Variants in REV1 observed in about 807,000 individuals in gnomAD.
The protein encoded by REV1 is REV1 DNA directed polymerase, also known as translesion synthesis protein REV1.
Under a neutral mutation model 137.4 loss-of-function variants are expected in REV1, and 42 were observed. The ratio of observed to expected loss-of-function variants is 0.31; its 90% CI spans 0.24 to 0.40. The LOEUF (loss-of-function observed/expected upper bound fraction) is 0.40, where lower values mean the gene tolerates loss of function less well. Ranked by LOEUF, REV1 falls within the 10% of genes least tolerant of loss-of-function variation. REV1 has a pLI of 1.00. For synonymous variants in REV1, 524 were observed against 519.2 expected, an observed-to-expected ratio of 1.01 and a Z score of -0.12; for missense variants, 1,282 against 1,490.1, an observed-to-expected ratio of 0.86 and a Z score of 2.30.
At chr2:99,455,103 G>C (rs1683393561) in intron 3 of REV1, among the ~76,000 whole-genome samples, 1 of 152,158 alleles carries the variant, frequency 6.6e-6, no homozygotes, top group African/African-American at 2.4e-5. Context: ...TCTCTATTGA[G>C]AAAACATTTA....
rs1284741278 is a variant in REV1, at chr2:99,401,015, C to CA, written c.*225dup. 2.8e-5 allele frequency: 9 copies of CA among 321,184 alleles called. No individual in the cohort carries two copies. The Admixed American group carries it at 3.0e-4, about 11-fold the overall frequency. 19.9% of individuals were successfully genotyped at this position (321,184 alleles called of 1,614,324 possible). A position where few individuals can be genotyped will look rare whatever the true frequency, so the allele number is the denominator to read the frequency against. ...GTAAAAATCCATAAAACTTTATAAA[C>CA]AAACATTTTGTAAATAGAATCTATG... On this transcript the variant is annotated 3_prime_UTR_variant, in exon 23 of 23. Coordinates refer to ENST00000258428, the MANE Select transcript of REV1 (RefSeq NM_016316.4).
intron 3 of REV1, 50 bp from the exon 4 acceptor site, chr2:99,449,554 G>C (rs746167963): frequency 2.2e-6 from 2 of 924,520 alleles, no homozygotes; most frequent in Non-Finnish European, 3.0e-6. Context: ...GTAAGAAGTA[G>C]AACCCTAATG....
chr2:99,470,643 C>T lies in REV1; in HGVS notation c.-10-5658G>A, dbSNP rs183312176. On this transcript the variant is annotated intron_variant, in intron 1 of 22. Coordinates refer to ENST00000258428, the MANE Select transcript of REV1 (RefSeq NM_016316.4). The stretch of plus-strand genomic sequence containing the variant: ...TGTTTTTACCTTTCTCTACATTCCA[C>T]AAGTTACTTCCTCCTTCCTTTGTTC... Among the ~76,000 whole-genome samples, 14 of 152,344 alleles carry T rather than the reference C, an allele frequency of 9.2e-5. No homozygotes were observed. In the East Asian group the frequency reaches 2.7e-3, roughly 29 times the overall value.
At chr2:99,434,876 T>C (rs953283414) in intron 7 of REV1, among the ~76,000 whole-genome samples, 4 of 152,168 alleles carry the variant, frequency 2.6e-5, no homozygotes, top group Non-Finnish European at 4.4e-5. Flanking sequence ...TAAATACATA[T>C]GCATAGGAAT....
rs186220725 is a variant in REV1 at position 99,400,991 on chromosome 2, T to C, written c.*250A>G. On this transcript the variant is annotated 3_prime_UTR_variant, in exon 23 of 23. Coordinates refer to ENST00000258428, the MANE Select transcript of REV1 (RefSeq NM_016316.4). ...TTAAACAACTGTAAACACTTCACTGTAAAAATCCATAAAACTTTATAAACA... is the reference window on the plus strand; with the variant it reads ...TTAAACAACTGTAAACACTTCACTGCAAAAATCCATAAAACTTTATAAACA... 3.1e-4 allele frequency: 86 copies of C among 275,744 alleles called. No homozygotes were observed. Among genetic ancestry groups the C allele is most frequent in the Admixed American group, 8.8e-4 (19 of 21,680 alleles). The allele number at this position is 275,744 out of a possible 1,614,324, so 17.1% of individuals were successfully genotyped here. A position where few individuals can be genotyped will look rare whatever the true frequency, so the allele number is the denominator to read the frequency against.
intron 9 of REV1, among the ~76,000 whole-genome samples, chr2:99,429,321 C>G (rs13429185): frequency 6.6e-6 from 1 of 151,940 alleles, no homozygotes; most frequent in Admixed American, 6.6e-5. Context: ...AAGACCTATA[C>G]AAAAAGTTGG....
chr2:99,455,228 C>G (rs1171085284), intron 3 of REV1, among the ~76,000 whole-genome samples: 2 of 152,178 alleles, frequency 1.3e-5, no homozygotes, highest in Non-Finnish European at 2.9e-5. Context: ...TTTGCTCCTA[C>G]CATGGCAACA....
Position 99,408,119 on chromosome 2 carries a change from A to G in REV1, c.2358T>C (p.Leu786=). 6.2e-7 allele frequency: 1 copy of G among 1,606,570 alleles called. No homozygotes were observed. The change falls in exon 15 of 23, where the codon CTT becomes CTC. Residue 786 remains leucine, a synonymous_variant. Transcript: ENST00000258428. ...TTTTTGCATTATCTGTTGCCTGGTC[A>G]AGAGTTACAGTCCTGTAAGTGATAG... is the stretch of plus-strand genomic sequence containing the variant. ...ICDNIARTVT[L]DQATDNAKII...
chr2:99,428,463 A>T lies in REV1; in HGVS notation c.1547+1377T>A, dbSNP rs149204434. On this transcript the variant is annotated intron_variant, in intron 9 of 22. Transcript: ENST00000258428. The stretch of plus-strand genomic sequence containing the variant: ...TGACAATGAAAACCATTAAAACATA[A>T]TTCTGTTAATGAGAAAGGCAAAGTT... Among the ~76,000 whole-genome samples the T allele has an allele frequency of 2.3e-3, 349 of 152,336 alleles. 4 individuals are homozygous for T. Among genetic ancestry groups the T allele is most frequent in the African/African-American group, 8.2e-3 (339 of 41,580 alleles).
chr2:99,452,097 C>T (rs540451542), intron 3 of REV1, among the ~76,000 whole-genome samples: 4 of 152,032 alleles, frequency 2.6e-5, no homozygotes, highest in Non-Finnish European at 5.9e-5. Context: ...ATTTAACACT[C>T]TCCTTTAATT....
intron 1 of REV1, among the ~76,000 whole-genome samples, chr2:99,473,365 C>CAA (rs10645145): frequency 4.2e-4 from 47 of 112,068 alleles, no homozygotes; most frequent in East Asian, 2.4e-3. Flanking sequence ...GAGACTGTCT[C>CAA]AAAAAAAAAA....
chr2:99,476,518 T>C (rs1194396271), intron 1 of REV1, among the ~76,000 whole-genome samples: 1 of 152,002 alleles, frequency 6.6e-6, no homozygotes, highest in Non-Finnish European at 1.5e-5. Context: ...ATTGCGCCAT[T>C]GCACTCCAGG....
chr2:99,421,359 G>A, intron 11 of REV1, 140 bp downstream of exon 11: 2 of 613,116 alleles, frequency 3.3e-6, no homozygotes, highest in Non-Finnish European at 2.8e-6. Flanking sequence ...CTTATCTCGT[G>A]TGTCACACAA....
chr2:99,487,638 T>A lies in REV1; in HGVS notation c.-11+2179A>T, dbSNP rs1160943517. On this transcript the variant is annotated intron_variant, in intron 1 of 22. Transcript: ENST00000258428. ...AACGCTTCAGTTGGTGCTATTATAGTAAAAAAAAACTTTTCATTTTTAAAT... is the reference window on the plus strand; with the variant it reads ...AACGCTTCAGTTGGTGCTATTATAGAAAAAAAAAACTTTTCATTTTTAAAT... Among the ~76,000 whole-genome samples, 9 of 117,356 alleles carry A rather than the reference T, an allele frequency of 7.7e-5. 3 individuals carry two copies. The highest frequency in any genetic ancestry group is 2.7e-4 in the African/African-American group (9 of 32,774). 77.0% of individuals were successfully genotyped at this position (117,356 alleles called of 152,430 possible).
intron 5 of REV1, among the ~76,000 whole-genome samples, chr2:99,440,840 T>C (rs574795766): frequency 5.9e-5 from 9 of 152,328 alleles, no homozygotes; most frequent in East Asian, 1.9e-4. Context: ...ACATGCATTA[T>C]AGCAACACAT....
At chr2:99,413,872 C>A (rs546505612) in intron 12 of REV1, among the ~76,000 whole-genome samples, 64 of 152,290 alleles carry the variant, frequency 4.2e-4, no homozygotes, top group Non-Finnish European at 8.4e-4. Flanking sequence ...TCTGTAGGAA[C>A]TTATCAAAAG....
intron 2 of REV1, among the ~76,000 whole-genome samples, chr2:99,463,775 C>G (rs1157218142): frequency 1.3e-5 from 2 of 152,052 alleles, no homozygotes; most frequent in East Asian, 3.9e-4. Flanking sequence ...AGGTGCTCAC[C>G]ACTATGCCCA....
Position 99,406,412 on chromosome 2 carries a change from T to C in REV1, c.2527A>G (p.Ser843Gly), listed in dbSNP as rs1327451987. ...TCPSRPSVQS[S>G]HFPSGSYSVR... ...GAGTATGACCCACTAGGAAAGTGGCTTGACTGAACTGATGGGCGACTGGGA... is the reference window on the plus strand; with the variant it reads ...GAGTATGACCCACTAGGAAAGTGGCCTGACTGAACTGATGGGCGACTGGGA... Residue 843 changes from serine (S) to glycine (G), a missense_variant, in exon 16 of 23, where the codon AGC (serine) becomes GGC (glycine). By Grantham distance (56) the Ser-to-Gly change is moderately conservative. Transcript: ENST00000258428. 2.5e-6 allele frequency: 4 copies of C among 1,613,818 alleles called. No individual in the cohort carries two copies. Among genetic ancestry groups the C allele is most frequent in the African/African-American group, 1.3e-5 (1 of 74,910 alleles).
At chr2:99,476,488 G>A (rs540021224) in intron 1 of REV1, among the ~76,000 whole-genome samples, 1 of 152,158 alleles carries the variant, frequency 6.6e-6, no homozygotes, top group Admixed American at 6.5e-5. Flanking sequence ...CCCGGGAGGC[G>A]GAGGTTGCAG....
Sources: allele counts gnomAD v4.1 joint callset (sites outside exome capture counted in the v4.1 genomes callset), GRCh38; gene constraint gnomAD v4.1.1; transcripts MANE v1.5; gene names NCBI Gene and HGNC (gene_info 2026-07-23, HGNC 2026-07-21).